Variants in ASIC2 observed in about 807,000 individuals in gnomAD.
ASIC2 encodes acid sensing ion channel subunit 2.
Under a neutral mutation model 57.3 loss-of-function variants are expected in ASIC2, and 25 were observed. The observed-to-expected ratio is 0.44, with a 90% CI of 0.32 to 0.61. The LOEUF (loss-of-function observed/expected upper bound fraction) is 0.61. ASIC2 is among the 20% of genes least tolerant of loss of function. The pLI is 0.06. For synonymous variants in ASIC2, 319 were observed against 307.5 expected, an observed-to-expected ratio of 1.04 and a Z score of -0.39; for missense variants, 641 against 738.1, an observed-to-expected ratio of 0.87 and a Z score of 1.52.
chr17:34,066,909 C>G (rs912702765), intron 1 of ASIC2, among the ~76,000 whole-genome samples: 1 of 152,192 alleles, frequency 6.6e-6, no homozygotes, highest in South Asian at 2.1e-4. Context: ...AGGTGGGATT[C>G]TTTATTATCA....
chr17:33,691,595 C>T (rs1249300614), intron 1 of ASIC2, among the ~76,000 whole-genome samples: 1 of 152,032 alleles, frequency 6.6e-6, no homozygotes, highest in Non-Finnish European at 1.5e-5. Flanking sequence ...TAAGGAGCTA[C>T]TTATACATTA....
At chr17:33,688,347 A>G (rs1200555417) in intron 1 of ASIC2, among the ~76,000 whole-genome samples, 1 of 152,192 alleles carries the variant, frequency 6.6e-6, no homozygotes, top group Non-Finnish European at 1.5e-5. Flanking sequence ...GTGTGTTACA[A>G]GTAAGTTTTT....
intron 1 of ASIC2, chr17:33,688,819 A>G (rs1012142419): frequency 6.6e-6 from 1 of 152,182 alleles, no homozygotes; most frequent in Non-Finnish European, 1.5e-5. Flanking sequence ...GAGATTCTGG[A>G]AGTCCCTCTG....
At position 33,016,273 on chromosome 17, in the gene ASIC2, C is replaced by T. The variant is rs528893501; in HGVS notation, c.1522-234G>A. On this transcript the variant is annotated intron_variant, in intron 8 of 9. Coordinates refer to ENST00000225823, the MANE Select transcript of ASIC2 (RefSeq NM_183377.2). ...GGAGCTAGGAATAGGTAATGGAAGG[C>T]CCTGCTTCACAGGGTGAACTGCTGT... Among the ~76,000 whole-genome samples the T allele has an allele frequency of 3.9e-5, 6 of 152,274 alleles. No homozygotes were observed. In the South Asian group the frequency reaches 1.2e-3, roughly 32 times the overall value.
chr17:33,687,866 C>A (rs1047767725), intron 1 of ASIC2, among the ~76,000 whole-genome samples: 9 of 152,108 alleles, frequency 5.9e-5, no homozygotes, highest in Non-Finnish European at 1.3e-4. Context: ...AGAAGCCATC[C>A]GCTATTTGGC....
intron 1 of ASIC2, among the ~76,000 whole-genome samples, chr17:33,950,766 T>A (rs1904534393): frequency 6.6e-6 from 1 of 152,230 alleles, no homozygotes; most frequent in Non-Finnish European, 1.5e-5. Context: ...CTGGGGAATC[T>A]GCAAGGGCTG....
intron 1 of ASIC2, among the ~76,000 whole-genome samples, chr17:33,288,521 C>T (rs1905284406): frequency 6.6e-6 from 1 of 152,062 alleles, no homozygotes; most frequent in Admixed American, 6.6e-5. Context: ...ACAGCTGAAC[C>T]ACTGAAAGGT....
At chr17:33,859,362 C>A (rs1914044914) in intron 1 of ASIC2, among the ~76,000 whole-genome samples, 1 of 151,654 alleles carries the variant, frequency 6.6e-6, no homozygotes, top group African/African-American at 2.4e-5. Flanking sequence ...GTTGAAAGAA[C>A]CAGGAAAAGA....
At chr17:33,959,661 C>T (rs1904856429) in intron 1 of ASIC2, among the ~76,000 whole-genome samples, 1 of 152,212 alleles carries the variant, frequency 6.6e-6, no homozygotes, top group African/African-American at 2.4e-5. Context: ...GGCTGGAAGA[C>T]TCAGCAAGGC....
intron 7 of ASIC2, among the ~76,000 whole-genome samples, chr17:33,017,968 A>C (rs2091815733): frequency 6.6e-6 from 1 of 152,148 alleles, no homozygotes. Context: ...GTTTGGTTAC[A>C]CTCAAAACCA....
At chr17:33,592,625 A>G (rs1277089193) in intron 1 of ASIC2, among the ~76,000 whole-genome samples, 2 of 152,248 alleles carry the variant, frequency 1.3e-5, no homozygotes, top group African/African-American at 4.8e-5. Context: ...AGCTCTGTGT[A>G]CGTGGTGAGT....
intron 1 of ASIC2, chr17:34,069,595 G>C (rs1282542866): frequency 2.0e-5 from 3 of 152,218 alleles, no homozygotes; most frequent in African/African-American, 7.2e-5. Flanking sequence ...GTGAAGACAA[G>C]GGAGTCCCTC....
At chr17:33,545,752 C>A (rs1915557170) in intron 1 of ASIC2, among the ~76,000 whole-genome samples, 1 of 152,134 alleles carries the variant, frequency 6.6e-6, no homozygotes, top group African/African-American at 2.4e-5. Flanking sequence ...TATAAAAATC[C>A]AAACATGTAA....
chr17:33,048,200 A>C (rs2141925257), intron 3 of ASIC2, among the ~76,000 whole-genome samples: 1 of 152,290 alleles, frequency 6.6e-6, no homozygotes, highest in Non-Finnish European at 1.5e-5. Flanking sequence ...TAACTCTGGC[A>C]CCCTGATCTC....
chr17:34,142,167 C>G (rs1308293652), intron 1 of ASIC2, among the ~76,000 whole-genome samples: 1 of 152,138 alleles, frequency 6.6e-6, no homozygotes, highest in Non-Finnish European at 1.5e-5. Context: ...ATGGGCATCT[C>G]TCAGGGACAC....
chr17:33,235,195 G>A (rs555383815), intron 1 of ASIC2, among the ~76,000 whole-genome samples: 10 of 152,306 alleles, frequency 6.6e-5, no homozygotes, highest in African/African-American at 2.4e-4. Context: ...TCAGTCATAG[G>A]AATAACCATA....
At chr17:33,123,588 T>A (rs1367973996) in intron 1 of ASIC2, among the ~76,000 whole-genome samples, 1 of 152,134 alleles carries the variant, frequency 6.6e-6, no homozygotes, top group Non-Finnish European at 1.5e-5. Context: ...GCCTGCTTGG[T>A]TTTCCTGTGG....
chr17:33,774,766 A>G (rs888914038), intron 1 of ASIC2, among the ~76,000 whole-genome samples: 3 of 152,220 alleles, frequency 2.0e-5, no homozygotes, highest in African/African-American at 7.2e-5. Context: ...GAGTCTGAAT[A>G]TTGTGCAGGA....
intron 7 of ASIC2, among the ~76,000 whole-genome samples, chr17:33,020,476 A>T (rs1357744655): frequency 6.6e-6 from 1 of 152,066 alleles, no homozygotes; most frequent in Non-Finnish European, 1.5e-5. Context: ...CAGGCATCAG[A>T]TCCTTTCTTG....
Sources: allele counts gnomAD v4.1 joint callset (sites outside exome capture counted in the v4.1 genomes callset), GRCh38; gene constraint gnomAD v4.1.1; transcripts MANE v1.5; gene names NCBI Gene and HGNC (gene_info 2026-07-23, HGNC 2026-07-21).